CMIP: variants seen among roughly 807,000 people sequenced by gnomAD.
CMIP encodes C-Maf-inducing protein.
A neutral mutation model predicts 97.3 loss-of-function variants in CMIP; 13 were observed. The ratio of observed to expected loss-of-function variants is 0.13; its 90% CI spans 0.09 to 0.21. The LOEUF (loss-of-function observed/expected upper bound fraction) is 0.21, where lower values mean the gene tolerates loss of function less well. Among genes scored for constraint, CMIP ranks in the 10% least tolerant of loss-of-function variants. CMIP has a pLI of 1.00. For synonymous variants in CMIP, 538 were observed against 436.3 expected (o/e 1.23, Z -2.91); for missense variants, 847 against 1,024.9 (o/e 0.83, Z 2.37).
chr16:81,567,777 G>A (rs749236107), intron 1 of CMIP, among the ~76,000 whole-genome samples: 1 of 152,150 alleles, frequency 6.6e-6, no homozygotes, highest in Non-Finnish European at 1.5e-5. Context: ...TTTCGTCCCC[G>A]CTTCTTGTCA....
chr16:81,553,950 A>G (rs921867583), intron 1 of CMIP, among the ~76,000 whole-genome samples: 2 of 152,242 alleles, frequency 1.3e-5, no homozygotes, highest in Admixed American at 6.5e-5. Flanking sequence ...TGGAGCCACC[A>G]TGCAAGCGTT....
At chr16:81,591,464 A>C (rs1298125563) in intron 1 of CMIP, among the ~76,000 whole-genome samples, 1 of 152,218 alleles carries the variant, frequency 6.6e-6, no homozygotes, top group Non-Finnish European at 1.5e-5. Flanking sequence ...CCATACTGGC[A>C]TCTGGGGGAG....
At chr16:81,498,163 A>C (rs2089527381) in intron 1 of CMIP, among the ~76,000 whole-genome samples, 1 of 152,216 alleles carries the variant, frequency 6.6e-6, no homozygotes. Context: ...CAGATGTTTT[A>C]ACCATAGAAC....
intron 10 of CMIP, among the ~76,000 whole-genome samples, chr16:81,682,075 C>T (rs1253278837): frequency 5.9e-5 from 9 of 151,940 alleles, no homozygotes; most frequent in African/African-American, 1.7e-4. Flanking sequence ...TGGTGGCGGG[C>T]GCCTGTAGTC....
intron 1 of CMIP, among the ~76,000 whole-genome samples, chr16:81,481,744 C>T (rs1295787657): frequency 6.6e-6 from 1 of 152,148 alleles, no homozygotes; most frequent in Non-Finnish European, 1.5e-5. Context: ...TGTTGTCTTT[C>T]TGGAAGCCTA....
At chr16:81,597,685 C>T (rs2091584082) in intron 1 of CMIP, among the ~76,000 whole-genome samples, 2 of 152,088 alleles carry the variant, frequency 1.3e-5, no homozygotes, top group South Asian at 4.1e-4. Flanking sequence ...CTCCGTGGGG[C>T]TCCAGCAGGG....
intron 10 of CMIP, among the ~76,000 whole-genome samples, chr16:81,689,758 G>A (rs1433405147): frequency 6.6e-6 from 1 of 152,160 alleles, no homozygotes; most frequent in African/African-American, 2.4e-5. Flanking sequence ...GTATTGCCTA[G>A]GTTTTCTTCT....
rs1167564531 is a variant in CMIP at position 81,621,454 on chromosome 16, A to T, written c.477+528A>T. On this transcript the variant is annotated intron_variant, in intron 3 of 20. Transcript: ENST00000537098. This position sits in a 1 kb window ranked among gnomAD's most constrained non-coding sequence, Gnocchi z 4.1. The stretch of plus-strand genomic sequence containing the variant: ...CATAAAGGGAACTTCATCTTCTTGG[A>T]GACCCAGGGGCAGATCTTCTAAGAG... 1.3e-5 allele frequency: 2 copies of T among 154,200 alleles called. No homozygotes were observed. The highest frequency in any genetic ancestry group is 2.4e-5 in the African/African-American group (1 of 41,462). The allele number at this position is 154,200 out of a possible 1,614,324, so 9.6% of individuals were successfully genotyped here. A position where few individuals can be genotyped will look rare whatever the true frequency, so the allele number is the denominator to read the frequency against.
chr16:81,584,255 G>A (rs55704077), intron 1 of CMIP, among the ~76,000 whole-genome samples: 10,100 of 152,194 alleles, frequency 0.066, 441 homozygotes, highest in East Asian at 0.21. Flanking sequence ...AAACTCCTTG[G>A]AGGCAAGGAG....
chr16:81,615,796 G>A (rs1313647588), intron 2 of CMIP, among the ~76,000 whole-genome samples: 2 of 152,032 alleles, frequency 1.3e-5, no homozygotes, highest in Admixed American at 1.3e-4. Context: ...CATTACATGG[G>A]TGTGAGTCCA....
intron 1 of CMIP, among the ~76,000 whole-genome samples, chr16:81,493,462 C>T (rs918153680): frequency 2.0e-5 from 3 of 152,254 alleles, no homozygotes; most frequent in African/African-American, 4.8e-5. Flanking sequence ...AAACGAAGTA[C>T]GAAATATAAA....
In CMIP at chr16:81,453,571, GGTGACCCT is replaced by G. The variant is rs1336319923; in HGVS notation, c.300+8033_300+8040del. Among the ~76,000 whole-genome samples the G allele has an allele frequency of 3.9e-5, 6 of 152,328 alleles. No individual in the cohort carries two copies. Among genetic ancestry groups the G allele is most frequent in the African/African-American group, 1.4e-4 (6 of 41,582 alleles). ...GCATGTTGGCTCCCTGTGTGGACTA[GGTGACCCT>G]GTTTACCAACACACACACCGGTGCG... On this transcript the variant is annotated intron_variant, in intron 1 of 20. Coordinates refer to ENST00000537098, the MANE Select transcript of CMIP (RefSeq NM_198390.3). This position sits in a 1 kb window ranked among gnomAD's most constrained non-coding sequence, Gnocchi z 4.0.
At chr16:81,498,333 G>A (rs1002817192) in intron 1 of CMIP, among the ~76,000 whole-genome samples, 2 of 152,224 alleles carry the variant, frequency 1.3e-5, no homozygotes, top group Non-Finnish European at 2.9e-5. Context: ...TTCCTTTCCA[G>A]CTTCCTGAGG....
chr16:81,594,511 A>G (rs1045346182), intron 1 of CMIP, among the ~76,000 whole-genome samples: 5 of 152,122 alleles, frequency 3.3e-5, no homozygotes, highest in Non-Finnish European at 7.4e-5. Context: ...CATGGGGGAT[A>G]TGTTCCAAGG....
chr16:81,474,142 C>T (rs1280617377), intron 1 of CMIP, among the ~76,000 whole-genome samples: 1 of 152,152 alleles, frequency 6.6e-6, no homozygotes, highest in Non-Finnish European at 1.5e-5. Context: ...TCTCCACTCC[C>T]CCAGCCTCCT....
chr16:81,503,663 C>A (rs2089652662), intron 1 of CMIP, among the ~76,000 whole-genome samples: 1 of 152,232 alleles, frequency 6.6e-6, no homozygotes, highest in Non-Finnish European at 1.5e-5. Flanking sequence ...TCCCAAGGTG[C>A]TGGGATTATA....
chr16:81,663,929 A>C (rs962199533), intron 6 of CMIP, among the ~76,000 whole-genome samples: 1 of 152,138 alleles, frequency 6.6e-6, no homozygotes, highest in African/African-American at 2.4e-5. Flanking sequence ...AGTGCCCCAC[A>C]TGCCTGCTGG....
At chr16:81,508,333 C>T (rs189084767) in intron 1 of CMIP, among the ~76,000 whole-genome samples, 9 of 152,240 alleles carry the variant, frequency 5.9e-5, no homozygotes, top group East Asian at 3.9e-4. Flanking sequence ...GGTACATAGA[C>T]GCAAATACGT....
chr16:81,576,891 G>A (rs1411281061), intron 1 of CMIP, among the ~76,000 whole-genome samples: 1 of 152,036 alleles, frequency 6.6e-6, no homozygotes, highest in Non-Finnish European at 1.5e-5. Flanking sequence ...GAAGTACTTG[G>A]TCGTAGTGGA....
Sources: allele counts gnomAD v4.1 joint callset (sites outside exome capture counted in the v4.1 genomes callset), GRCh38; gene constraint gnomAD v4.1.1; non-coding constraint Gnocchi (gnomAD v3.1); transcripts MANE v1.5; gene names NCBI Gene and HGNC (gene_info 2026-07-23, HGNC 2026-07-21).